The following SMURF1 variants were observed in gnomAD, a reference collection of about 807,000 sequenced individuals.
SMURF1 encodes E3 ubiquitin-protein ligase SMURF1.
Under a neutral mutation model 98.0 loss-of-function variants are expected in SMURF1, and 44 were observed. The observed-to-expected ratio is 0.45, with a 90% CI of 0.35 to 0.58. The LOEUF is 0.58. SMURF1 is among the 20% of genes least tolerant of loss of function. The pLI, the probability that SMURF1 is intolerant of heterozygous loss-of-function variation, is 0.00. For missense variants in SMURF1, 687 were observed against 938.4 expected (o/e 0.73, Z 3.50); for synonymous variants, 396 against 374.9 (o/e 1.06, Z -0.65).
chr7:99,047,395 C>T (rs1010493716), intron 10 of SMURF1, among the ~76,000 whole-genome samples: 10 of 152,224 alleles, frequency 6.6e-5, no homozygotes, highest in Admixed American at 6.5e-4. Flanking sequence ...TCTAGGTTTT[C>T]ACCTAGAGGT....
At chr7:99,122,745 C>CTTTTTTTT (rs373204946) in intron 1 of SMURF1, among the ~76,000 whole-genome samples, 8 of 112,416 alleles carry the variant, frequency 7.1e-5, no homozygotes, top group Non-Finnish European at 8.5e-5. Flanking sequence ...TTCTTTCTTT[C>CTTTTTTTT]TTTTTTTTTT....
intron 1 of SMURF1, among the ~76,000 whole-genome samples, chr7:99,076,111 G>A (rs1796451950): frequency 1.3e-5 from 2 of 152,070 alleles, no homozygotes; most frequent in African/African-American, 4.8e-5. Flanking sequence ...TCGCAATGTT[G>A]CCCAGCCTGG....
At chr7:99,030,743 G>A (rs983730349) in intron 17 of SMURF1, 60 bp from the exon 18 acceptor site, 1 of 1,377,456 alleles carries the variant, frequency 7.3e-7, no homozygotes, top group Non-Finnish European at 1.0e-6. Flanking sequence ...CCAACCTCAA[G>A]GCCAAGGACA....
intron 1 of SMURF1, among the ~76,000 whole-genome samples, chr7:99,095,678 T>A (rs1350736542): frequency 6.6e-6 from 1 of 152,238 alleles, no homozygotes; most frequent in African/African-American, 2.4e-5. Flanking sequence ...ATGGACTAGG[T>A]ACTCGAAGTT....
chr7:99,144,008 A>G lies in SMURF1; in HGVS notation c.-228T>C, dbSNP rs1798214633. The G allele has an allele frequency of 1.2e-5, 4 of 324,898 alleles. No individual in the cohort carries two copies. Among genetic ancestry groups the G allele is most frequent in the Non-Finnish European group, 1.6e-5 (3 of 182,866 alleles). The allele number at this position is 324,898 out of a possible 1,614,324, so 20.1% of individuals were successfully genotyped here. ...ACCCTCGCTGCTTCCAGCCGAGCCC[A>G]GTCCCGAGCCGCCGCCGCCTCCGCC... On this transcript the variant is annotated 5_prime_UTR_variant, in exon 1 of 18. Transcript: ENST00000361368.
intron 1 of SMURF1, among the ~76,000 whole-genome samples, chr7:99,120,484 T>C (rs1430131270): frequency 6.6e-6 from 1 of 152,056 alleles, no homozygotes; most frequent in African/African-American, 2.4e-5. Flanking sequence ...TTCCATCAGA[T>C]TACCACCAAA....
chr7:99,079,170 C>T (rs1344741759), intron 1 of SMURF1, among the ~76,000 whole-genome samples: 1 of 152,252 alleles, frequency 6.6e-6, no homozygotes, highest in African/African-American at 2.4e-5. Context: ...ATGCCTCGGG[C>T]AGGGCGTGTG....
intron 1 of SMURF1, among the ~76,000 whole-genome samples, chr7:99,124,442 G>A (rs953414160): frequency 3.9e-5 from 6 of 152,188 alleles, no homozygotes; most frequent in African/African-American, 1.2e-4. Flanking sequence ...TACTTTTGGA[G>A]AGACTCCAAG....
intron 1 of SMURF1, among the ~76,000 whole-genome samples, chr7:99,111,319 A>T (rs766468587): frequency 2.4e-4 from 37 of 152,260 alleles, no homozygotes; most frequent in Admixed American, 2.2e-3. Context: ...ATTTGTGAAG[A>T]TCAAGAAATT....
intron 17 of SMURF1, chr7:99,031,472 A>C (rs1280507010): frequency 6.6e-6 from 1 of 152,204 alleles, no homozygotes; most frequent in African/African-American, 2.4e-5. Flanking sequence ...TAGGGTAAGC[A>C]ATTAAGGATG....
chr7:99,124,598 A>T (rs565582655), intron 1 of SMURF1, among the ~76,000 whole-genome samples: 1 of 152,270 alleles, frequency 6.6e-6, no homozygotes, highest in South Asian at 2.1e-4. Flanking sequence ...TTGCCCACAA[A>T]AAGGTTTTAA....
chr7:99,084,037 T>C (rs1269899406), intron 1 of SMURF1, among the ~76,000 whole-genome samples: 1 of 152,218 alleles, frequency 6.6e-6, no homozygotes, highest in Admixed American at 6.5e-5. Context: ...CCACAAACTG[T>C]GTGAAGAAAC....
At position 99,052,447 on chromosome 7, in the gene SMURF1, C is replaced by A; in HGVS notation, c.480-1G>T. The A allele has an allele frequency of 6.5e-7, 1 of 1,535,312 alleles. No homozygotes were observed. Among genetic ancestry groups the A allele is most frequent in the South Asian group, 1.3e-5 (1 of 76,890 alleles). ...AGGCCCGGAGTCTTCATACACCGTT[C>A]TGAAAGGGACGAGAGCAGGCAGGCA... On this transcript the variant is annotated splice_acceptor_variant, in intron 6 of 17. Coordinates refer to ENST00000361368, the MANE Select transcript of SMURF1 (RefSeq NM_181349.3). LOFTEE classifies it high-confidence loss of function.
At chr7:99,125,055 ATTTT>A (rs1412052884) in intron 1 of SMURF1, among the ~76,000 whole-genome samples, 1 of 114,340 alleles carries the variant, frequency 8.7e-6, no homozygotes, top group African/African-American at 3.1e-5. Flanking sequence ...TTCAATAAAA[ATTTT>A]CATTCATTCA....
Position 99,037,149 on chromosome 7 carries a change from G to C in SMURF1, c.1727C>G (p.Ala576Gly). The change falls in exon 15 of 18, where the codon GCC (alanine) becomes GGC (glycine). Residue 576 changes from alanine to glycine, a missense_variant. By Grantham distance (60) the Ala-to-Gly change is moderately conservative. Transcript: ENST00000361368. Reference protein sequence around the residue: ...VNWRFMRGIEAQFLALQKGFN... With the variant: ...VNWRFMRGIEGQFLALQKGFN... ...CCCCTTCTGCAGAGCTAAGAACTGG[G>C]CTTCGATTCCTCTCATAAACCTCCA... The C allele has an allele frequency of 6.2e-7, 1 of 1,614,138 alleles. No homozygotes were observed. The highest frequency in any genetic ancestry group is 8.5e-7 in the Non-Finnish European group (1 of 1,180,040).
intron 2 of SMURF1, 52 bp from the exon 3 acceptor site, chr7:99,060,759 T>A: frequency 8.2e-7 from 1 of 1,223,004 alleles, no homozygotes; most frequent in Non-Finnish European, 1.2e-6. Flanking sequence ...TCCATCCATG[T>A]GACACAGAAC....
chr7:99,113,771 G>A (rs866674382), intron 1 of SMURF1, among the ~76,000 whole-genome samples: 4 of 148,764 alleles, frequency 2.7e-5, no homozygotes, highest in South Asian at 2.1e-4. Context: ...CCCGGGAGGC[G>A]GAGCTTGCAG....
intron 1 of SMURF1, among the ~76,000 whole-genome samples, chr7:99,104,003 G>A (rs1028416547): frequency 9.3e-5 from 14 of 150,874 alleles, no homozygotes; most frequent in Non-Finnish European, 1.5e-4. Flanking sequence ...AGCAATTCTC[G>A]TGCCTCAGCC....
rs149320056 is a variant in SMURF1 at position 99,042,136 on chromosome 7, C to A, written c.1353G>T (p.Pro451=). ...TDNIYMLQIN[P]DSSINPDHLS... ...TACTTACGGGGTTGATTGAAGAATC[C>A]GGATTTATTTGCAACATGTAAATAT... Residue 451 remains proline, a synonymous_variant, in exon 12 of 18, where the codon CCG becomes CCT. Coordinates refer to ENST00000361368, the MANE Select transcript of SMURF1 (RefSeq NM_181349.3). 1.7e-5 allele frequency: 28 copies of A among 1,613,304 alleles called. No individual in the cohort carries two copies. Among genetic ancestry groups the A allele is most frequent in the Non-Finnish European group, 3.4e-6 (4 of 1,179,590 alleles).
Sources: allele counts gnomAD v4.1 joint callset (sites outside exome capture counted in the v4.1 genomes callset), GRCh38; gene constraint gnomAD v4.1.1; transcripts MANE v1.5; gene names NCBI Gene and HGNC (gene_info 2026-07-23, HGNC 2026-07-21).